KCNIP4: variants seen among roughly 807,000 people sequenced by gnomAD.
The protein encoded by KCNIP4 is Kv channel-interacting protein 4.
Under a neutral mutation model 34.0 loss-of-function variants are expected in KCNIP4, and 12 were observed. The ratio of observed to expected loss-of-function variants is 0.35; its 90% CI spans 0.23 to 0.57. The LOEUF (loss-of-function observed/expected upper bound fraction) is 0.57, where lower values mean the gene tolerates loss of function less well. Ranked by LOEUF, KCNIP4 falls within the 20% of genes least tolerant of loss-of-function variation. The probability of loss-of-function intolerance (pLI) is 0.83; values close to 1 mark genes in which losing one functional copy is unlikely to be tolerated. For missense variants in KCNIP4, 238 were observed against 311.7 expected, an observed-to-expected ratio of 0.76 and a Z score of 1.78; for synonymous variants, 124 against 102.2, an observed-to-expected ratio of 1.21 and a Z score of -1.29.
chr4:21,296,332 A>G (rs1241175228), intron 1 of KCNIP4, among the ~76,000 whole-genome samples: 3 of 151,858 alleles, frequency 2.0e-5, no homozygotes, highest in Non-Finnish European at 2.9e-5. Flanking sequence ...TCTTACAAGC[A>G]CAGCTCTCAC....
chr4:20,911,058 A>G (rs1728282404), intron 1 of KCNIP4, among the ~76,000 whole-genome samples: 2 of 152,204 alleles, frequency 1.3e-5, no homozygotes, highest in Admixed American at 6.5e-5. Context: ...TATTTCTAAC[A>G]TAAGAGAAAC....
intron 1 of KCNIP4, among the ~76,000 whole-genome samples, chr4:21,456,354 C>T (rs1162226331): frequency 1.4e-5 from 2 of 147,784 alleles, no homozygotes; most frequent in African/African-American, 5.3e-5. Context: ...TGAATGATGG[C>T]ACATTGTCTC....
Position 21,113,477 on chromosome 4 carries a change from A to AG in KCNIP4, c.62-230769_62-230768insC, listed in dbSNP as rs1385549088. On this transcript the variant is annotated intron_variant, in intron 1 of 8. Transcript: ENST00000382152. ...GTTTAAAAAAAAAAAAAAAAAAAAA[A>AG]AAAGGAAAGCTATACTCAGTGGGAA... Among the ~76,000 whole-genome samples the AG allele has an allele frequency of 1.4e-4, 21 of 145,324 alleles. No homozygotes were observed. In the East Asian group the frequency reaches 3.9e-3, roughly 27 times the overall value.
At chr4:20,768,831 T>TA (rs371434827) in intron 3 of KCNIP4, among the ~76,000 whole-genome samples, 3 of 151,998 alleles carry the variant, frequency 2.0e-5, no homozygotes, top group East Asian at 1.9e-4. Context: ...CACTGCAGAT[T>TA]AAAAAAAGAA....
Position 20,729,899 on chromosome 4 carries a change from G to A in KCNIP4, c.*183C>T. ...CCTGAACTCAGTGGCATTATGAAAAGGATGCAAATTTATAACTGAAAGCTC... is the reference window on the plus strand; with the variant it reads ...CCTGAACTCAGTGGCATTATGAAAAAGATGCAAATTTATAACTGAAAGCTC... On this transcript the variant is annotated 3_prime_UTR_variant, in exon 9 of 9. Transcript: ENST00000382152. The A allele has an allele frequency of 1.8e-6, 1 of 567,540 alleles. No homozygotes were observed. The highest frequency in any genetic ancestry group is 2.9e-6 in the Non-Finnish European group (1 of 350,730). 35.2% of individuals were successfully genotyped at this position (567,540 alleles called of 1,614,324 possible). A position where few individuals can be genotyped will look rare whatever the true frequency, so the allele number is the denominator to read the frequency against.
At chr4:21,286,093 G>A (rs187356388) in intron 1 of KCNIP4, among the ~76,000 whole-genome samples, 1 of 152,192 alleles carries the variant, frequency 6.6e-6, no homozygotes, top group East Asian at 1.9e-4. Flanking sequence ...GATACACAGG[G>A]GAATTTCCAT....
At chr4:21,812,721 A>G (rs921216206) in intron 1 of KCNIP4, among the ~76,000 whole-genome samples, 6 of 152,196 alleles carry the variant, frequency 3.9e-5, no homozygotes, top group African/African-American at 1.2e-4. Flanking sequence ...ATCAACCACA[A>G]GAACACACAA....
intron 1 of KCNIP4, among the ~76,000 whole-genome samples, chr4:21,571,004 A>G (rs1740327148): frequency 6.6e-6 from 1 of 152,160 alleles, no homozygotes; most frequent in Admixed American, 6.5e-5. Context: ...CTTAAGCATT[A>G]CATGCTTCTC....
At chr4:21,347,875 A>C (rs1369920290) in intron 1 of KCNIP4, among the ~76,000 whole-genome samples, 1 of 152,208 alleles carries the variant, frequency 6.6e-6, no homozygotes. Flanking sequence ...TGAGAAATTA[A>C]GAAAAAAAAT....
chr4:21,295,048 A>G (rs1316285607), intron 1 of KCNIP4, among the ~76,000 whole-genome samples: 2 of 152,172 alleles, frequency 1.3e-5, no homozygotes, highest in Non-Finnish European at 2.9e-5. Context: ...GTAAAGTCCT[A>G]TTAAGACAAT....
intron 1 of KCNIP4, among the ~76,000 whole-genome samples, chr4:21,096,863 T>G (rs533047502): frequency 3.3e-5 from 5 of 152,234 alleles, no homozygotes; most frequent in African/African-American, 1.2e-4. Flanking sequence ...TCATGAGCAG[T>G]AATGACTGAG....
At chr4:21,567,266 G>A (rs780309532) in intron 1 of KCNIP4, among the ~76,000 whole-genome samples, 3 of 151,572 alleles carry the variant, frequency 2.0e-5, no homozygotes, top group Non-Finnish European at 4.4e-5. Flanking sequence ...GTACATTTGT[G>A]TATATATACA....
intron 1 of KCNIP4, among the ~76,000 whole-genome samples, chr4:21,830,137 T>C (rs1485229229): frequency 6.6e-6 from 1 of 152,064 alleles, no homozygotes; most frequent in Non-Finnish European, 1.5e-5. Flanking sequence ...GGATAAATAT[T>C]AAAGATGGAA....
chr4:21,714,429 G>A (rs7674871), intron 1 of KCNIP4, among the ~76,000 whole-genome samples: 16,400 of 151,836 alleles, frequency 0.11, 2,067 homozygotes, highest in African/African-American at 0.3. Context: ...AGGGACAAGG[G>A]GAAGGGGGCA....
At chr4:21,678,305 A>ATTTTTTTTTTTTTTTTTTTTTTTTTTTTT (rs59561334) in intron 1 of KCNIP4, among the ~76,000 whole-genome samples, 4 of 117,600 alleles carry the variant, frequency 3.4e-5, no homozygotes, top group Non-Finnish European at 6.8e-5. Flanking sequence ...TCTTCTTTTG[A>ATTTTTTTTTTTTTTTTTTTTTTTTTTTTT]TTTTTTTTTT....
chr4:21,771,990 T>C (rs1718826648), intron 1 of KCNIP4, among the ~76,000 whole-genome samples: 1 of 152,178 alleles, frequency 6.6e-6, no homozygotes, highest in South Asian at 2.1e-4. Flanking sequence ...AGGGCATCCT[T>C]GTCTTGTGCC....
At chr4:21,511,410 T>G (rs1286350847) in intron 1 of KCNIP4, among the ~76,000 whole-genome samples, 2 of 151,944 alleles carry the variant, frequency 1.3e-5, no homozygotes, top group Non-Finnish European at 2.9e-5. Flanking sequence ...TGGGTTTTAC[T>G]TTCTAGAAAT....
intron 1 of KCNIP4, among the ~76,000 whole-genome samples, chr4:21,669,039 C>A (rs562143863): frequency 1.3e-5 from 2 of 152,272 alleles, no homozygotes; most frequent in East Asian, 3.9e-4. Context: ...AATGTAAAGA[C>A]AATCAAGAGG....
At chr4:21,524,167 T>C (rs1030117555) in intron 1 of KCNIP4, among the ~76,000 whole-genome samples, 1 of 152,072 alleles carries the variant, frequency 6.6e-6, no homozygotes, top group Middle Eastern at 3.2e-3. Context: ...TCTTCTCTGC[T>C]CACTCCTATT....
Sources: gnomAD v4.1 joint callset for allele counts (sites outside exome capture counted in the v4.1 genomes callset) on GRCh38, gnomAD v4.1.1 for gene constraint, MANE v1.5 for transcripts, NCBI Gene and HGNC (gene_info 2026-07-23, HGNC 2026-07-21) for gene names.